The following USP6NL variants were observed in gnomAD, a reference collection of about 807,000 sequenced individuals.
The protein encoded by USP6NL is USP6 N-terminal-like protein.
In USP6NL, 26 loss-of-function variants were observed where a neutral mutation model predicts 61.9. The ratio of observed to expected loss-of-function variants is 0.42; its 90% CI spans 0.31 to 0.58. The LOEUF (loss-of-function observed/expected upper bound fraction) is 0.58, where lower values mean the gene tolerates loss of function less well. USP6NL is among the 20% of genes least tolerant of loss of function. The pLI, the probability that USP6NL is intolerant of heterozygous loss-of-function variation, is 0.16. For missense variants in USP6NL, 1,114 were observed against 1,034.3 expected, an observed-to-expected ratio of 1.08 and a Z score of -1.06; for synonymous variants, 432 against 390.1, an observed-to-expected ratio of 1.11 and a Z score of -1.27.
At chr10:11,584,224 C>T (rs537902633) in intron 2 of USP6NL, among the ~76,000 whole-genome samples, 1 of 152,190 alleles carries the variant, frequency 6.6e-6, no homozygotes, top group African/African-American at 2.4e-5. Flanking sequence ...CAAACCAAAG[C>T]ATTTAGCTCT....
chr10:11,547,033 T>C (rs1836296168), intron 2 of USP6NL, among the ~76,000 whole-genome samples: 1 of 152,224 alleles, frequency 6.6e-6, no homozygotes, highest in Non-Finnish European at 1.5e-5. Context: ...TTATTCCATA[T>C]ACCATTAACT....
At chr10:11,538,499 T>C (rs902986813) in intron 2 of USP6NL, among the ~76,000 whole-genome samples, 1 of 152,206 alleles carries the variant, frequency 6.6e-6, no homozygotes, top group African/African-American at 2.4e-5. Context: ...TAACCCATGG[T>C]AGATGCTCAT....
intron 2 of USP6NL, among the ~76,000 whole-genome samples, chr10:11,571,378 G>A (rs879457288): frequency 4.5e-4 from 69 of 151,980 alleles, no homozygotes; most frequent in Admixed American, 7.9e-4. Flanking sequence ...AAGCCACCGC[G>A]CCCAGCCCCC....
intron 4 of USP6NL, among the ~76,000 whole-genome samples, chr10:11,521,393 T>C (rs1197594429): frequency 6.7e-6 from 1 of 148,980 alleles, no homozygotes. Flanking sequence ...TTTTAAATTT[T>C]TTTTTTAGAC....
Position 11,468,382 on chromosome 10 carries a change from T to C in USP6NL, c.1079-4533A>G, listed in dbSNP as rs983179438. Among the ~76,000 whole-genome samples the C allele has an allele frequency of 2.6e-5, 4 of 152,194 alleles. No individual in the cohort carries two copies. The East Asian group carries it at 7.7e-4, about 29-fold the overall frequency. On this transcript the variant is annotated intron_variant, in intron 14 of 14. Transcript: ENST00000609104. This position sits in a 1 kb window ranked among gnomAD's most constrained non-coding sequence, Gnocchi z 4.5. ...CGCACTTGGCTTCAAGTTCCTCCTA[T>C]CAATATTTATTCAAATGTTCTCATT...
At chr10:11,584,031 A>G (rs1837884183) in intron 2 of USP6NL, among the ~76,000 whole-genome samples, 1 of 152,198 alleles carries the variant, frequency 6.6e-6, no homozygotes, top group Admixed American at 6.5e-5. Context: ...TCTGTCTCAA[A>G]AAAAGAAAAG....
At chr10:11,563,497 T>A (rs1289736366) in intron 2 of USP6NL, 3 of 152,086 alleles carry the variant, frequency 2.0e-5, no homozygotes, top group Non-Finnish European at 4.4e-5. Flanking sequence ...CTGTGGATTG[T>A]ACCAATATCA....
chr10:11,539,796 G>A (rs1227806086), intron 2 of USP6NL, among the ~76,000 whole-genome samples: 1 of 152,214 alleles, frequency 6.6e-6, no homozygotes, highest in Admixed American at 6.5e-5. Flanking sequence ...ACTGTTTATT[G>A]AGAGGTTACT....
chr10:11,463,291 G>C lies in USP6NL; in HGVS notation c.1637C>G (p.Ser546Cys). 6.2e-7 allele frequency: 1 copy of C among 1,613,860 alleles called. No individual in the cohort carries two copies. Among genetic ancestry groups the C allele is most frequent in the South Asian group, 1.1e-5 (1 of 91,088 alleles). Residue 546 changes from serine (S) to cysteine (C), a missense_variant, in exon 15 of 15, where the codon TCC (serine) becomes TGC (cysteine). By Grantham distance (112) the Ser-to-Cys change is moderately radical (BLOSUM62 -1). Coordinates refer to ENST00000609104, the MANE Select transcript of USP6NL (RefSeq NM_014688.5). The surrounding 1 kb of genome is among the most constrained non-coding windows in gnomAD (Gnocchi z 6.3). ...CACGTTGTCGTACTGCGATGCAGTG[G>C]AGCCCCGCTTCCCGTCCTCAGCATC... ...ALDAEDGKRG[S>C]TASQYDNVPG...
rs552805321 is a variant in USP6NL at position 11,499,409 on chromosome 10, T to C, written c.384+1692A>G. 3.5e-4 allele frequency among the ~76,000 whole-genome samples: 54 copies of C among 152,256 alleles called. No individual in the cohort carries two copies. In the South Asian group the frequency reaches 0.011, roughly 32 times the overall value. ...TTCTACATAGAAAAAGTCTAAAATA[T>C]AACTGAAAATTAGAGTACTATTAGC... On this transcript the variant is annotated intron_variant, in intron 7 of 14. Coordinates refer to ENST00000609104, the MANE Select transcript of USP6NL (RefSeq NM_014688.5). The surrounding 1 kb of genome is among the most constrained non-coding windows in gnomAD (Gnocchi z 4.5).
At chr10:11,483,677 A>G (rs2133232668) in intron 13 of USP6NL, among the ~76,000 whole-genome samples, 1 of 18,884 alleles carries the variant, frequency 5.3e-5, no homozygotes, top group African/African-American at 2.3e-4. Context: ...GGAGGGAGGG[A>G]GAGAGGTGGG....
intron 2 of USP6NL, among the ~76,000 whole-genome samples, chr10:11,536,850 T>C (rs984839795): frequency 6.6e-6 from 1 of 152,236 alleles, no homozygotes; most frequent in African/African-American, 2.4e-5. Flanking sequence ...TATTAGCATA[T>C]AATCTTAGAA....
chr10:11,466,826 G>C (rs1326090001), intron 14 of USP6NL, among the ~76,000 whole-genome samples: 1 of 152,170 alleles, frequency 6.6e-6, no homozygotes, highest in Non-Finnish European at 1.5e-5. Context: ...CAATACTGCA[G>C]GGTCACTGGA....
rs1254875881 is a variant in USP6NL at position 11,592,633 on chromosome 10, T to C, written c.4+4998A>G. On this transcript the variant is annotated intron_variant, in intron 2 of 14. Transcript: ENST00000609104. The surrounding 1 kb of genome is among the most constrained non-coding windows in gnomAD (Gnocchi z 4.7). ...GACATGCTGGCATTTCAAAGACAATTCAACTTAAATTTTCTTTTAACTTCT... is the reference window on the plus strand; with the variant it reads ...GACATGCTGGCATTTCAAAGACAATCCAACTTAAATTTTCTTTTAACTTCT... Among the ~76,000 whole-genome samples the C allele has an allele frequency of 4.6e-5, 7 of 152,340 alleles. No homozygotes were observed. The highest frequency in any genetic ancestry group is 7.2e-5 in the African/African-American group (3 of 41,578).
Position 11,489,095 on chromosome 10 carries a change from T to C in USP6NL, c.664+7A>G. The C allele has an allele frequency of 6.2e-7, 1 of 1,613,544 alleles. No homozygotes were observed. The highest frequency in any genetic ancestry group is 8.5e-7 in the Non-Finnish European group (1 of 1,179,642). ...GATTGTTTAGATAAAGCACAGGGTT[T>C]TCTTACCATGCATGGCATGTTTAGG... is the stretch of plus-strand genomic sequence containing the variant. On this transcript the variant is annotated splice_region_variant and intron_variant, in intron 10 of 14. Transcript: ENST00000609104. This position sits in a 1 kb window ranked among gnomAD's most constrained non-coding sequence, Gnocchi z 5.7.
At chr10:11,610,783 G>A (rs1191733098) in intron 1 of USP6NL, among the ~76,000 whole-genome samples, 2 of 152,034 alleles carry the variant, frequency 1.3e-5, no homozygotes, top group African/African-American at 4.8e-5. Flanking sequence ...AGGGTTGGGG[G>A]TGGGGAGAGA....
chr10:11,555,471 A>AAGAGAG (rs1190819331), intron 2 of USP6NL, among the ~76,000 whole-genome samples: 28 of 62,190 alleles, frequency 4.5e-4, no homozygotes, highest in African/African-American at 1.6e-3. Flanking sequence ...GAGAGAGAGA[A>AAGAGAG]AGAGAGAGAG....
At chr10:11,607,872 T>C (rs1173863544) in intron 1 of USP6NL, among the ~76,000 whole-genome samples, 1 of 152,224 alleles carries the variant, frequency 6.6e-6, no homozygotes, top group Non-Finnish European at 1.5e-5. Context: ...GGATAAAATT[T>C]TAAGTTTTTC....
chr10:11,603,494 G>A lies in USP6NL; in HGVS notation c.-83-5777C>T, dbSNP rs528104435. Among the ~76,000 whole-genome samples the A allele has an allele frequency of 8.4e-4, 128 of 152,236 alleles. 1 individual carries two copies. The highest frequency in any genetic ancestry group is 3.4e-3 in the Middle Eastern group (1 of 294). On this transcript the variant is annotated intron_variant, in intron 1 of 14. Transcript: ENST00000609104. ...CAATATATCTGGTGTTCAGGAGTCC[G>A]ACATCATTTTAAAAGTCAGTTAAAA... is the stretch of plus-strand genomic sequence containing the variant.
Sources: gnomAD v4.1 joint callset for allele counts (sites outside exome capture counted in the v4.1 genomes callset) on GRCh38, gnomAD v4.1.1 for gene constraint, Gnocchi (gnomAD v3.1) non-coding constraint, MANE v1.5 for transcripts, NCBI Gene and HGNC (gene_info 2026-07-23, HGNC 2026-07-21) for gene names.